Variants in TRIM66 observed in about 807,000 individuals in gnomAD.
TRIM66 encodes tripartite motif containing 66.
In TRIM66, 99 loss-of-function variants were observed where a neutral mutation model predicts 148.2. The ratio of observed to expected loss-of-function variants is 0.67; its 90% CI spans 0.57 to 0.79. The LOEUF (loss-of-function observed/expected upper bound fraction) is 0.79. Ranked by LOEUF, TRIM66 falls within the 30% of genes least tolerant of loss-of-function variation. TRIM66 has a pLI of 0.00. For synonymous variants in TRIM66, 616 were observed against 635.9 expected (o/e 0.97, Z 0.47); for missense variants, 1,666 against 1,697.9 (o/e 0.98, Z 0.33).
intron 15 of TRIM66, among the ~76,000 whole-genome samples, chr11:8,635,346 TG>T (rs1209541052): frequency 1.3e-5 from 2 of 152,146 alleles, no homozygotes; most frequent in Admixed American, 1.3e-4. Flanking sequence ...TAAAAACCTA[TG>T]AAAAAATTAG....
chr11:8,631,310 C>G (rs1476186377), intron 15 of TRIM66, among the ~76,000 whole-genome samples: 1 of 152,170 alleles, frequency 6.6e-6, no homozygotes, highest in Non-Finnish European at 1.5e-5. Flanking sequence ...GTTCTTACAG[C>G]AAGATAATAT....
At chr11:8,628,612 C>CAAAAAAAAAAAAAAAAAA (rs750649249) in intron 15 of TRIM66, among the ~76,000 whole-genome samples, 1 of 80,666 alleles carries the variant, frequency 1.2e-5, no homozygotes, top group Admixed American at 1.5e-4. Flanking sequence ...GACCCTGTCT[C>CAAAAAAAAAAAAAAAAAA]AAAAAAAAAA....
intron 18 of TRIM66, among the ~76,000 whole-genome samples, chr11:8,622,232 C>T (rs2034298241): frequency 6.7e-6 from 1 of 149,956 alleles, no homozygotes; most frequent in Admixed American, 6.7e-5. Context: ...TTGCAGACAA[C>T]CTATTGTGGG....
intron 6 of TRIM66, among the ~76,000 whole-genome samples, chr11:8,667,240 TAAAA>T (rs2038658968): frequency 6.6e-6 from 1 of 152,126 alleles, no homozygotes; most frequent in Non-Finnish European, 1.5e-5. Flanking sequence ...GCTAAAACTA[TAAAA>T]CTCCTAGAAG....
At chr11:8,661,457 C>CA (rs1352553782) in intron 6 of TRIM66, among the ~76,000 whole-genome samples, 2 of 152,194 alleles carry the variant, frequency 1.3e-5, no homozygotes, top group Admixed American at 6.5e-5. Flanking sequence ...CTTTTCATCC[C>CA]AAATCTTAAA....
intron 6 of TRIM66, among the ~76,000 whole-genome samples, chr11:8,670,449 G>C (rs2038871198): frequency 6.6e-6 from 1 of 151,976 alleles, no homozygotes; most frequent in South Asian, 2.1e-4. Flanking sequence ...TTAAGTATTT[G>C]GTTTTCTATA....
chr11:8,657,055 TA>T (rs2037888941), intron 6 of TRIM66, among the ~76,000 whole-genome samples: 1 of 152,016 alleles, frequency 6.6e-6, no homozygotes, highest in Non-Finnish European at 1.5e-5. Context: ...GCCTAAGACT[TA>T]GTGAGGCAGC....
chr11:8,671,755 G>A (rs751348072), intron 6 of TRIM66, 31 bp downstream of exon 6: 1 of 937,596 alleles, frequency 1.1e-6, no homozygotes, highest in African/African-American at 1.6e-5. Context: ...TTATGTAGTG[G>A]GAGGTGAACT....
chr11:8,620,677 T>C lies in TRIM66; in HGVS notation c.3546-105A>G, dbSNP rs149257219. On this transcript the variant is annotated intron_variant, in intron 20 of 24. Transcript: ENST00000646038. ...GCGTGAGAAACTGAGTCTCCGGCTT[T>C]GCCGTGTAAGAAATGGCTTTCTAGC... 2.0e-4 allele frequency: 296 copies of C among 1,453,030 alleles called. 1 individual carries two copies. In the African/African-American group the frequency reaches 3.8e-3, roughly 19 times the overall value. The allele number at this position is 1,453,030 out of a possible 1,614,324, so 90.0% of individuals were successfully genotyped here.
chr11:8,657,035 C>T (rs990680701), intron 6 of TRIM66, among the ~76,000 whole-genome samples: 2 of 152,198 alleles, frequency 1.3e-5, no homozygotes, highest in Non-Finnish European at 2.9e-5. Flanking sequence ...GGACCTAGAA[C>T]ATGTGCTGAG....
intron 15 of TRIM66, among the ~76,000 whole-genome samples, chr11:8,626,296 A>G (rs760959406): frequency 6.6e-6 from 1 of 152,248 alleles, no homozygotes; most frequent in Non-Finnish European, 1.5e-5. Context: ...GGAATTAGGC[A>G]TATCTATCTA....
At chr11:8,674,927 T>C (rs1187694330) in intron 3 of TRIM66, 44 bp from the exon 4 acceptor site, 1 of 152,244 alleles carries the variant, frequency 6.6e-6, no homozygotes, top group African/African-American at 2.4e-5. Flanking sequence ...CAGGTAATTG[T>C]GGATATTCTT....
At position 8,640,805 on chromosome 11, in the gene TRIM66, G is replaced by A. The variant is rs1190487188; in HGVS notation, c.1570C>T (p.Pro524Ser). 3 of 1,550,758 alleles carry A rather than the reference G, an allele frequency of 1.9e-6. No individual in the cohort carries two copies. Among genetic ancestry groups the A allele is most frequent in the South Asian group, 2.4e-5 (2 of 84,038 alleles). ...AGCCAGGGCTGCAGCAGCTTTGGTG[G>A]ATGAGGGCTGCAGGCCAGCTCTTTC... The part of the protein sequence containing the change: ...REKELACSPH[P>S]PKLLQPWLET... Residue 524 changes from proline (P) to serine (S), a missense_variant, in exon 14 of 25, where the codon CCA becomes TCA. By Grantham distance (74) the Pro-to-Ser change is moderately conservative (BLOSUM62 -1). Around this residue, in one of 3 missense-constraint regions of TRIM66, gnomAD observed 1,431 missense variants for 1,412.4 expected, o/e 1.01. Transcript: ENST00000646038.
Position 8,617,566 on chromosome 11 carries a change from G to A in TRIM66, c.*378C>T, listed in dbSNP as rs111998125. ...TTCTGAGCCCAGGAGGAGTTCAGATGTATACATGGCTCCTGAGCCCTGGAC... is the reference window on the plus strand; with the variant it reads ...TTCTGAGCCCAGGAGGAGTTCAGATATATACATGGCTCCTGAGCCCTGGAC... On this transcript the variant is annotated 3_prime_UTR_variant, in exon 25 of 25. Transcript: ENST00000646038. 0.046 allele frequency: 10,035 copies of A among 215,992 alleles called. 351 individuals carry two copies. The highest frequency in any genetic ancestry group is 0.064 in the Non-Finnish European group (6,917 of 108,116). The allele number at this position is 215,992 out of a possible 1,614,324, so 13.4% of individuals were successfully genotyped here.
In TRIM66 at chr11:8,618,023, T is replaced by G. The variant is rs74933132; in HGVS notation, c.4120-20A>C. Reference sequence around the variant, plus strand: ...ATTCTCCTGAAAGAAAAATATATATTTGGAATTAAAATAGCCAAATGTAGG... The same window carrying G: ...ATTCTCCTGAAAGAAAAATATATATGTGGAATTAAAATAGCCAAATGTAGG... On this transcript the variant is annotated intron_variant, in intron 24 of 24. Transcript: ENST00000646038. 1 of 1,550,448 alleles carries G rather than the reference T, an allele frequency of 6.4e-7. No homozygotes were observed. Among genetic ancestry groups the G allele is most frequent in the East Asian group, 2.4e-5 (1 of 40,906 alleles).
Position 8,672,318 on chromosome 11 carries a change from T to C in TRIM66, c.-44A>G, listed in dbSNP as rs770325106. The C allele has an allele frequency of 6.5e-7, 1 of 1,536,084 alleles. No homozygotes were observed. The highest frequency in any genetic ancestry group is 1.2e-5 in the South Asian group (1 of 84,058). On this transcript the variant is annotated 5_prime_UTR_variant, in exon 5 of 25. Coordinates refer to ENST00000646038, the MANE Select transcript of TRIM66 (RefSeq NM_001388022.1). ...AGCGTGGAGGTGTCTGCTGTTTGTC[T>C]GAAGGCGAACAAACCCTTCAAAAGT...
rs1356823905 is a variant in TRIM66 at position 8,649,764 on chromosome 11, G to A, written c.568C>T (p.Pro190Ser). Reference sequence around the variant, plus strand: ...CCTGGAGATCCCTTCTGGGCCCGAGGAAAGAATGGGCCCCCGGGGACAGGG... The same window carrying A: ...CCTGGAGATCCCTTCTGGGCCCGAGAAAAGAATGGGCCCCCGGGGACAGGG... ...HSPVPGGPFF[P>S]RAQKGSPGVN... is the part of the protein sequence containing the mutation. Residue 190 changes from proline (P) to serine (S), a missense_variant, in exon 8 of 25, where the codon CCT becomes TCT. Physicochemically the swap from Pro to Ser is moderately conservative, Grantham distance 74 (BLOSUM62 -1). Around this residue, in one of 3 missense-constraint regions of TRIM66, gnomAD observed 1,431 missense variants for 1,412.4 expected, o/e 1.01. Transcript: ENST00000646038. The A allele has an allele frequency of 1.9e-6, 3 of 1,551,470 alleles. No individual in the cohort carries two copies. Among genetic ancestry groups the A allele is most frequent in the Admixed American group, 2.0e-5 (1 of 50,984 alleles).
intron 18 of TRIM66, among the ~76,000 whole-genome samples, chr11:8,622,078 G>A (rs912692353): frequency 1.3e-5 from 2 of 151,714 alleles, no homozygotes; most frequent in African/African-American, 2.4e-5. Context: ...CAAATATAAA[G>A]CAGGCAGGAA....
intron 3 of TRIM66, among the ~76,000 whole-genome samples, chr11:8,676,067 A>T (rs2039164213): frequency 6.6e-6 from 1 of 152,206 alleles, no homozygotes; most frequent in African/African-American, 2.4e-5. Context: ...TTAACTTGCA[A>T]CTCAATAGCA....
Sources: gnomAD v4.1 joint callset for allele counts (sites outside exome capture counted in the v4.1 genomes callset) on GRCh38, gnomAD v4.1.1 for gene constraint, gnomAD v4.1.1 regional missense constraint, MANE v1.5 for transcripts, NCBI Gene and HGNC (gene_info 2026-07-23, HGNC 2026-07-21) for gene names.